Variants in ZC3HC1 observed in about 807,000 individuals in gnomAD.
ZC3HC1 encodes zinc finger C3HC-type containing 1, also known as zinc finger C3HC-type protein 1.
A neutral mutation model predicts 61.9 loss-of-function variants in ZC3HC1; 38 were observed. That is an observed-to-expected ratio of 0.61 (90% CI 0.47 to 0.81). The LOEUF is 0.81. ZC3HC1 is among the 30% of genes least tolerant of loss of function. ZC3HC1 has a pLI of 0.00. For missense variants in ZC3HC1, 554 were observed against 622.7 expected, an observed-to-expected ratio of 0.89 and a Z score of 1.17; for synonymous variants, 213 against 229.9, an observed-to-expected ratio of 0.93 and a Z score of 0.67.
At chr7:130,040,497 C>CAA (rs35982469) in intron 3 of ZC3HC1, among the ~76,000 whole-genome samples, 1,255 of 43,226 alleles carry the variant, frequency 0.029, 38 homozygotes, top group African/African-American at 0.097. Context: ...GACTCCGTCT[C>CAA]AAAAAAAAAA....
At chr7:130,050,584 T>A in intron 1 of ZC3HC1, 1 of 1,190,484 alleles carries the variant, frequency 8.4e-7, no homozygotes, top group Non-Finnish European at 1.1e-6. Context: ...TTTCTTCAAT[T>A]ATGAATGAAG....
chr7:130,021,895 C>A (rs185621013), intron 9 of ZC3HC1, among the ~76,000 whole-genome samples: 1 of 152,152 alleles, frequency 6.6e-6, no homozygotes, highest in African/African-American at 2.4e-5. Flanking sequence ...GACGTATAAG[C>A]CGGGCACGGT....
chr7:130,024,434 G>A lies in ZC3HC1; in HGVS notation c.849C>T (p.Gly283=). The change falls in exon 7 of 10, where the codon GGC becomes GGT. Residue 283 remains glycine, a synonymous_variant. Transcript: ENST00000358303. ...TCATGGACGATTCAATCTGCTGGAA[G>A]CCCCAGAGCCCCACCTTCCTCATAC... ...SQCMRKVGLW[G]FQQIESSMTD... 1 of 1,614,180 alleles carries A rather than the reference G, an allele frequency of 6.2e-7. No individual in the cohort carries two copies. Among genetic ancestry groups the A allele is most frequent in the Non-Finnish European group, 8.5e-7 (1 of 1,180,024 alleles).
chr7:130,028,415 G>T (rs943810674), intron 5 of ZC3HC1, among the ~76,000 whole-genome samples: 7 of 151,898 alleles, frequency 4.6e-5, no homozygotes, highest in African/African-American at 1.7e-4. Context: ...GGTGGCAGAC[G>T]CCTGTAATCC....
At chr7:130,029,835 C>G (rs1185013092) in intron 4 of ZC3HC1, among the ~76,000 whole-genome samples, 1 of 152,124 alleles carries the variant, frequency 6.6e-6, no homozygotes, top group Admixed American at 6.6e-5. Flanking sequence ...CAAGTTATAA[C>G]TTACTGTGAG....
chr7:130,031,244 T>C (rs542332199), intron 4 of ZC3HC1, among the ~76,000 whole-genome samples: 5 of 148,920 alleles, frequency 3.4e-5, no homozygotes, highest in African/African-American at 1.2e-4. Flanking sequence ...CAGAATCGCT[T>C]GAACCCGGGA....
intron 6 of ZC3HC1, among the ~76,000 whole-genome samples, chr7:130,025,945 G>C (rs1199052129): frequency 6.7e-6 from 1 of 149,840 alleles, no homozygotes; most frequent in African/African-American, 2.5e-5. Flanking sequence ...ACAAAGTTCA[G>C]TTGTGAACAC....
chr7:130,030,674 C>CT (rs1272691508), intron 4 of ZC3HC1, among the ~76,000 whole-genome samples: 3,367 of 140,978 alleles, frequency 0.024, 68 homozygotes, highest in Admixed American at 0.073. Flanking sequence ...CACTCATAAT[C>CT]TTTTTTTTTT....
At chr7:130,025,355 GA>G (rs1489669245) in intron 6 of ZC3HC1, among the ~76,000 whole-genome samples, 1 of 151,072 alleles carries the variant, frequency 6.6e-6, no homozygotes, top group Non-Finnish European at 1.5e-5. Context: ...GTAGATTAAG[GA>G]TAGTGGGAGT....
intron 1 of ZC3HC1, among the ~76,000 whole-genome samples, chr7:130,050,752 C>T (rs970690663): frequency 6.6e-6 from 1 of 152,178 alleles, no homozygotes; most frequent in Non-Finnish European, 1.5e-5. Flanking sequence ...ATTATGGACT[C>T]TTTAATAAAA....
chr7:130,042,622 T>C (rs1462246306), intron 2 of ZC3HC1, among the ~76,000 whole-genome samples: 1 of 152,164 alleles, frequency 6.6e-6, no homozygotes, highest in Non-Finnish European at 1.5e-5. Flanking sequence ...TAAGTATGTA[T>C]TTGGAAAGGT....
intron 2 of ZC3HC1, among the ~76,000 whole-genome samples, chr7:130,042,863 A>G (rs1300765948): frequency 6.6e-6 from 1 of 151,918 alleles, no homozygotes; most frequent in Admixed American, 6.6e-5. Flanking sequence ...TTGTAATTTT[A>G]ATAGAGAAGG....
At position 130,023,459 on chromosome 7, in the gene ZC3HC1, G is replaced by T. The variant is rs1793736560; in HGVS notation, c.1233+52C>A. 4 of 1,568,074 alleles carry T rather than the reference G, an allele frequency of 2.6e-6. No homozygotes were observed. Among genetic ancestry groups the T allele is most frequent in the African/African-American group, 2.7e-5 (2 of 74,200 alleles). ...CTGCTTCTCCATGCTGCCTAGGGAG[G>T]GCCCAATATGCTGTTTATGCTCAGC... On this transcript the variant is annotated intron_variant, in intron 8 of 9. Transcript: ENST00000358303. The surrounding 1 kb of genome is among the most constrained non-coding windows in gnomAD (Gnocchi z 4.2).
intron 5 of ZC3HC1, among the ~76,000 whole-genome samples, chr7:130,028,463 A>C (rs1444023546): frequency 1.3e-5 from 2 of 152,076 alleles, no homozygotes; most frequent in East Asian, 3.9e-4. Context: ...AATTGCGTGG[A>C]CCTGGGAGGT....
chr7:130,026,114 C>T (rs1793894776), intron 6 of ZC3HC1, 44 bp downstream of exon 6: 3 of 1,593,238 alleles, frequency 1.9e-6, no homozygotes, highest in Non-Finnish European at 2.6e-6. Context: ...GGGTGTAATG[C>T]TGTTGTCATG....
chr7:130,026,259 A>G lies in ZC3HC1; in HGVS notation c.675T>C (p.Leu225=). The part of the protein sequence containing the change: ...SLLLHLLEDE[L]DHRTDERKTT... ...TTTTTCTCTCATCAGTTCGGTGATC[A>G]AGTTCATCTTCAAGCAAGTGTAGGA... Residue 225 remains leucine, a synonymous_variant, in exon 6 of 10, where the codon CTT becomes CTC. Coordinates refer to ENST00000358303, the MANE Select transcript of ZC3HC1 (RefSeq NM_016478.5). 1 of 1,614,082 alleles carries G rather than the reference A, an allele frequency of 6.2e-7. No homozygotes were observed. Among genetic ancestry groups the G allele is most frequent in the Non-Finnish European group, 8.5e-7 (1 of 1,179,974 alleles).
chr7:130,031,823 T>C (rs1337899432), intron 4 of ZC3HC1, among the ~76,000 whole-genome samples: 3 of 152,174 alleles, frequency 2.0e-5, no homozygotes, highest in Admixed American at 6.6e-5. Flanking sequence ...AACTGCCTGC[T>C]TGACTACTGA....
chr7:130,030,948 G>A (rs1337938503), intron 4 of ZC3HC1, among the ~76,000 whole-genome samples: 4 of 151,754 alleles, frequency 2.6e-5, no homozygotes, highest in African/African-American at 9.7e-5. Context: ...GATTACAGGC[G>A]TGAGCCACTG....
chr7:130,036,579 A>G (rs1469939946), intron 4 of ZC3HC1: 2 of 152,178 alleles, frequency 1.3e-5, no homozygotes, highest in Non-Finnish European at 1.5e-5. Context: ...AAAATAAAAT[A>G]AAATAAAATA....
Sources: gnomAD v4.1 joint callset for allele counts (sites outside exome capture counted in the v4.1 genomes callset) on GRCh38, gnomAD v4.1.1 for gene constraint, Gnocchi (gnomAD v3.1) non-coding constraint, MANE v1.5 for transcripts, NCBI Gene and HGNC (gene_info 2026-07-23, HGNC 2026-07-21) for gene names.